Variants in ZNF385D observed in about 807,000 individuals in gnomAD.
ZNF385D encodes zinc finger protein 659.
In ZNF385D, 15 loss-of-function variants were observed where a neutral mutation model predicts 35.8. The observed-to-expected ratio is 0.42, with a 90% CI of 0.28 to 0.64. The LOEUF is 0.64. Among genes scored for constraint, ZNF385D ranks in the 30% least tolerant of loss-of-function variants. The pLI, the probability that ZNF385D is intolerant of heterozygous loss-of-function variation, is 0.23. For missense variants in ZNF385D, 474 were observed against 494.6 expected, an observed-to-expected ratio of 0.96 and a Z score of 0.39; for synonymous variants, 212 against 186.8, an observed-to-expected ratio of 1.13 and a Z score of -1.10.
chr3:21,757,803 GCTTCTTTCTCCAA>G (rs1365245948), intron 3 of ZNF385D, among the ~76,000 whole-genome samples: 1 of 152,116 alleles, frequency 6.6e-6, no homozygotes. Flanking sequence ...ACAGTTTATT[GCTTCTTTCTCCAA>G]CAACAGACTA....
chr3:22,020,187 A>G (rs1697140037), intron 3 of ZNF385D, among the ~76,000 whole-genome samples: 1 of 151,886 alleles, frequency 6.6e-6, no homozygotes, highest in African/African-American at 2.4e-5. Context: ...ATGACAAGGA[A>G]TTCTTAAAGT....
At chr3:21,813,340 A>G (rs1283213212) in intron 3 of ZNF385D, among the ~76,000 whole-genome samples, 1 of 152,236 alleles carries the variant, frequency 6.6e-6, no homozygotes. Flanking sequence ...AAAGCTGGAC[A>G]AAGAATGACT....
intron 5 of ZNF385D, among the ~76,000 whole-genome samples, chr3:21,431,311 A>G (rs1701282902): frequency 6.6e-6 from 1 of 152,188 alleles, no homozygotes; most frequent in African/African-American, 2.4e-5. Context: ...AGTAAACCCT[A>G]AATGCTCACA....
At position 22,171,706 on chromosome 3, in the gene ZNF385D, C is replaced by G. The variant is rs182812059; in HGVS notation, c.107-2671G>C. ...CGTGGCTAACACAGTGAAATCCCGT[C>G]TCTACTAAAAAATACAAGAAATTAG... On this transcript the variant is annotated intron_variant, in intron 2 of 5. Coordinates refer to the ZNF385D transcript ENST00000494108. Among the ~76,000 whole-genome samples the G allele has an allele frequency of 5.3e-5, 8 of 151,906 alleles. No individual in the cohort carries two copies. In the East Asian group the frequency reaches 1.6e-3, roughly 29 times the overall value.
intron 1 of ZNF385D, among the ~76,000 whole-genome samples, chr3:21,709,176 T>G (rs1273065420): frequency 6.6e-6 from 1 of 152,180 alleles, no homozygotes; most frequent in African/African-American, 2.4e-5. Context: ...ACCATAATGT[T>G]TATTTCCATT....
intron 3 of ZNF385D, among the ~76,000 whole-genome samples, chr3:22,159,103 AT>A (rs1705780679): frequency 6.6e-6 from 1 of 151,986 alleles, no homozygotes; most frequent in Admixed American, 6.6e-5. Context: ...AGGTAGCTCT[AT>A]GTGTACTAAA....
At chr3:21,793,238 G>T (rs1366722434) in intron 3 of ZNF385D, among the ~76,000 whole-genome samples, 1 of 152,198 alleles carries the variant, frequency 6.6e-6, no homozygotes, top group African/African-American at 2.4e-5. Flanking sequence ...AGCACTCTAT[G>T]CTTTGGGTTC....
intron 4 of ZNF385D, among the ~76,000 whole-genome samples, chr3:21,467,133 T>C (rs562554313): frequency 6.6e-6 from 1 of 152,344 alleles, no homozygotes; most frequent in East Asian, 1.9e-4. Context: ...CATGTCAAAG[T>C]AAAATTAAGA....
At chr3:22,013,836 C>A (rs1380932011) in intron 3 of ZNF385D, among the ~76,000 whole-genome samples, 2 of 152,094 alleles carry the variant, frequency 1.3e-5, no homozygotes, top group Admixed American at 6.5e-5. Context: ...CCACAGCAAC[C>A]CCCTCCCCCT....
chr3:21,966,186 A>G (rs893666930), intron 3 of ZNF385D, among the ~76,000 whole-genome samples: 21 of 152,176 alleles, frequency 1.4e-4, no homozygotes, highest in Non-Finnish European at 2.9e-4. Flanking sequence ...GATGAAACCA[A>G]TAATTTATAG....
intron 3 of ZNF385D, among the ~76,000 whole-genome samples, chr3:22,132,793 T>C (rs1343295719): frequency 6.6e-6 from 1 of 152,178 alleles, no homozygotes; most frequent in Non-Finnish European, 1.5e-5. Flanking sequence ...AGTATATTTA[T>C]ACTTAATTGT....
At position 22,102,379 on chromosome 3, in the gene ZNF385D, T is replaced by C. The variant is rs117236102; in HGVS notation, c.325+66438A>G. Among the ~76,000 whole-genome samples the C allele has an allele frequency of 1.4e-4, 22 of 152,196 alleles. No homozygotes were observed. The East Asian group carries it at 4.3e-3, about 29-fold the overall frequency. ...AGAGAAGCAATTAGTCCAAGATTGC[T>C]TAGATAGTAAGAGTTAAAATATGAA... On this transcript the variant is annotated intron_variant, in intron 3 of 5. Coordinates refer to the ZNF385D transcript ENST00000494108.
intron 2 of ZNF385D, among the ~76,000 whole-genome samples, chr3:21,582,709 T>G (rs867479824): frequency 6.6e-6 from 1 of 152,204 alleles, no homozygotes; most frequent in Non-Finnish European, 1.5e-5. Context: ...AGAATTTCTC[T>G]TAACCATGTA....
chr3:22,209,525 G>GA (rs982224815), intron 2 of ZNF385D, among the ~76,000 whole-genome samples: 1 of 151,502 alleles, frequency 6.6e-6, no homozygotes, highest in Non-Finnish European at 1.5e-5. Context: ...TATGGCTTAG[G>GA]AAAAAAATAT....
At chr3:21,989,679 T>TA (rs11325097) in intron 3 of ZNF385D, among the ~76,000 whole-genome samples, 36 of 148,904 alleles carry the variant, frequency 2.4e-4, no homozygotes, top group South Asian at 4.2e-4. Context: ...ACAATAATAA[T>TA]AAAAAAAAAA....
intron 3 of ZNF385D, among the ~76,000 whole-genome samples, chr3:21,932,050 C>T (rs35284987): frequency 0.11 from 17,286 of 151,032 alleles, 1,318 homozygotes; most frequent in South Asian, 0.24. Flanking sequence ...ACCTGTGGTC[C>T]CAGCTACTCG....
intron 3 of ZNF385D, among the ~76,000 whole-genome samples, chr3:21,558,453 T>G (rs4858330): frequency 4.1e-4 from 62 of 152,212 alleles, no homozygotes; most frequent in African/African-American, 1.4e-3. Flanking sequence ...GTTTCCATGT[T>G]GTTGTGCAGT....
chr3:21,786,867 C>T (rs1378394085), intron 3 of ZNF385D, among the ~76,000 whole-genome samples: 1 of 152,124 alleles, frequency 6.6e-6, no homozygotes. Context: ...ATATACTTTC[C>T]TAAGCCCATG....
chr3:21,514,555 T>A (rs1707438822), intron 3 of ZNF385D, among the ~76,000 whole-genome samples: 1 of 152,028 alleles, frequency 6.6e-6, no homozygotes, highest in African/African-American at 2.4e-5. Context: ...AGTAGCGGAA[T>A]CTAAATCAGT....
Sources: allele counts gnomAD v4.1 joint callset (sites outside exome capture counted in the v4.1 genomes callset), GRCh38; gene constraint gnomAD v4.1.1; transcripts MANE v1.5; gene names NCBI Gene and HGNC (gene_info 2026-07-23, HGNC 2026-07-21).